The following ATCAY variants were observed in gnomAD, a reference collection of about 807,000 sequenced individuals.
ATCAY encodes ATCAY kinesin light chain interacting caytaxin.
Under a neutral mutation model 47.7 loss-of-function variants are expected in ATCAY, and 22 were observed. The ratio of observed to expected loss-of-function variants is 0.46; its 90% CI spans 0.33 to 0.66. ATCAY has a LOEUF of 0.66. ATCAY is among the 30% of genes least tolerant of loss of function. ATCAY has a pLI of 0.02. For synonymous variants in ATCAY, 216 were observed against 207.6 expected, an observed-to-expected ratio of 1.04 and a Z score of -0.35; for missense variants, 452 against 515.0, an observed-to-expected ratio of 0.88 and a Z score of 1.18.
chr19:3,885,332 T>A (rs2038639904), intron 1 of ATCAY, among the ~76,000 whole-genome samples: 1 of 151,346 alleles, frequency 6.6e-6, no homozygotes, highest in East Asian at 2.0e-4. Flanking sequence ...GGCAGGAGGA[T>A]CACCTGAGGT....
chr19:3,887,643 C>T (rs936509209), intron 2 of ATCAY, among the ~76,000 whole-genome samples: 30 of 150,690 alleles, frequency 2.0e-4, no homozygotes, highest in South Asian at 6.3e-4. Flanking sequence ...CCCGCCACCA[C>T]GCCCGGCTAA....
intron 2 of ATCAY, among the ~76,000 whole-genome samples, chr19:3,886,620 G>A (rs2038658979): frequency 6.6e-6 from 1 of 151,340 alleles, no homozygotes; most frequent in African/African-American, 2.4e-5. Flanking sequence ...GCTGGGTATG[G>A]TGTCATGCGC....
intron 2 of ATCAY, among the ~76,000 whole-genome samples, chr19:3,902,008 A>G (rs963100577): frequency 4.0e-5 from 6 of 151,032 alleles, no homozygotes; most frequent in African/African-American, 1.2e-4. Flanking sequence ...TCAAAAGAAA[A>G]AAATAAAAGA....
Position 3,907,479 on chromosome 19 carries a change from T to A in ATCAY, c.359-255T>A, listed in dbSNP as rs2038871487. On this transcript the variant is annotated intron_variant, in intron 4 of 12. Coordinates refer to ENST00000450849, the MANE Select transcript of ATCAY (RefSeq NM_033064.5). This position sits in a 1 kb window ranked among gnomAD's most constrained non-coding sequence, Gnocchi z 5.1. Reference sequence around the variant, plus strand: ...TGAGAAGCTCCAGGACACAGGTCCTTAACCAACAGAGTGCCCTGGGAGGCC... The same window carrying A: ...TGAGAAGCTCCAGGACACAGGTCCTAAACCAACAGAGTGCCCTGGGAGGCC... Among the ~76,000 whole-genome samples the A allele has an allele frequency of 6.6e-6, 1 of 152,126 alleles. No homozygotes were observed. The highest frequency in any genetic ancestry group is 1.5e-5 in the Non-Finnish European group (1 of 68,024).
intron 3 of ATCAY, among the ~76,000 whole-genome samples, chr19:3,903,982 CAAAA>C (rs59631453): frequency 2.9e-4 from 23 of 79,034 alleles, no homozygotes; most frequent in African/African-American, 8.0e-4. Context: ...ACTAAAGATA[CAAAA>C]AAAAAAAAAA....
intron 4 of ATCAY, 104 bp downstream of exon 4, chr19:3,905,759 G>A (rs1212260854): frequency 7.5e-6 from 8 of 1,063,084 alleles, no homozygotes; most frequent in Non-Finnish European, 1.1e-5. Flanking sequence ...GTGGGGCAGG[G>A]GCTCTAAGCA....
chr19:3,901,529 G>T (rs2038816305), intron 2 of ATCAY, among the ~76,000 whole-genome samples: 1 of 152,194 alleles, frequency 6.6e-6, no homozygotes, highest in Non-Finnish European at 1.5e-5. Flanking sequence ...GGTCGCCCTA[G>T]AGAGAATTCA....
At chr19:3,917,632 G>C (rs1006886836) in intron 9 of ATCAY, 110 bp from the exon 10 acceptor site, 62 of 327,098 alleles carry the variant, frequency 1.9e-4, no homozygotes, top group Non-Finnish European at 3.0e-4. Flanking sequence ...AAGAAGAAAA[G>C]AAAGAAAAAA....
rs2039081065 is a variant in ATCAY, at chr19:3,927,830, G to GCCAAACCACACC, written c.*3238_*3239insCCAAACCACACC. Reference sequence around the variant, plus strand: ...GGATTTGTATCAGGGTGGGGGGTGTGGTTTGGCCAAAATGCAATGGACCCC... The same window carrying GCCAAACCACACC: ...GGATTTGTATCAGGGTGGGGGGTGTGCCAAACCACACCGTTTGGCCAAAATGCAATGGACCCC... On this transcript the variant is annotated 3_prime_UTR_variant, in exon 13 of 13. Coordinates refer to ENST00000450849, the MANE Select transcript of ATCAY (RefSeq NM_033064.5). The GCCAAACCACACC allele has an allele frequency of 6.6e-6, 1 of 152,278 alleles. No homozygotes were observed. The highest frequency in any genetic ancestry group is 1.5e-5 in the Non-Finnish European group (1 of 68,116). The allele number at this position is 152,278 out of a possible 1,614,324, so 9.4% of individuals were successfully genotyped here.
intron 9 of ATCAY, 132 bp from the exon 10 acceptor site, chr19:3,917,610 A>AAAAAAAAG (rs368009492): frequency 1.6e-5 from 8 of 501,988 alleles, no homozygotes; most frequent in African/African-American, 1.2e-4. Flanking sequence ...AAAAAAAAAA[A>AAAAAAAAG]GGAAGAAGAA....
chr19:3,890,483 G>A (rs1475148117), intron 2 of ATCAY, among the ~76,000 whole-genome samples: 17 of 151,802 alleles, frequency 1.1e-4, no homozygotes, highest in African/African-American at 3.9e-4. Flanking sequence ...GGCTGGTCTC[G>A]AACTCCCAAC....
At chr19:3,884,837 T>C (rs998076463) in intron 1 of ATCAY, among the ~76,000 whole-genome samples, 3 of 152,012 alleles carry the variant, frequency 2.0e-5, no homozygotes, top group African/African-American at 7.2e-5. Context: ...TGGTTTACCC[T>C]TGTAATCTCA....
intron 1 of ATCAY, among the ~76,000 whole-genome samples, chr19:3,884,015 G>T (rs1277174950): frequency 2.0e-5 from 3 of 151,970 alleles, no homozygotes; most frequent in South Asian, 2.1e-4. Flanking sequence ...AAACTGGTGT[G>T]GGGGGTGGGG....
intron 2 of ATCAY, among the ~76,000 whole-genome samples, chr19:3,896,385 A>C (rs2145232330): frequency 6.6e-6 from 1 of 150,678 alleles, no homozygotes; most frequent in East Asian, 2.0e-4. Flanking sequence ...CTCTTGCCTC[A>C]GCCTCCCGAG....
chr19:3,924,506 A>C lies in ATCAY; in HGVS notation c.1107-77A>C, dbSNP rs868243631. 9.6e-6 allele frequency: 15 copies of C among 1,563,464 alleles called. No individual in the cohort carries two copies. In the South Asian group the frequency reaches 1.3e-4, roughly 14 times the overall value. On this transcript the variant is annotated intron_variant, in intron 12 of 12. Transcript: ENST00000450849. ...ACGCTGGGTGGGATCATTGTTTTGGATTACATACATGTAGAAGCGCATTTT... is the reference window on the plus strand; with the variant it reads ...ACGCTGGGTGGGATCATTGTTTTGGCTTACATACATGTAGAAGCGCATTTT...
rs376828032 is a variant in ATCAY, at chr19:3,891,052, C to CT, written c.77+5224dup. 3.7e-3 allele frequency among the ~76,000 whole-genome samples: 533 copies of CT among 142,326 alleles called. 1 individual carries two copies. Among genetic ancestry groups the CT allele is most frequent in the African/African-American group, 7.9e-3 (307 of 39,072 alleles). The allele number at this position is 142,326 out of a possible 152,430, so 93.4% of individuals were successfully genotyped here. A position where few individuals can be genotyped will look rare whatever the true frequency, so the allele number is the denominator to read the frequency against. On this transcript the variant is annotated intron_variant, in intron 2 of 12. Coordinates refer to ENST00000450849, the MANE Select transcript of ATCAY (RefSeq NM_033064.5). ...CTGCATGGCCTCTGCCCTTCTAGCACTTTTTTTTTTTTTTTTGGAGACAGA... is the reference window on the plus strand; with the variant it reads ...CTGCATGGCCTCTGCCCTTCTAGCACTTTTTTTTTTTTTTTTTGGAGACAGA...
intron 8 of ATCAY, 90 bp downstream of exon 8, chr19:3,910,979 AC>A: frequency 7.1e-7 from 1 of 1,407,246 alleles, no homozygotes; most frequent in Non-Finnish European, 1.0e-6. Context: ...GCATGTGTGC[AC>A]GTGTGTGCGT....
chr19:3,922,826 G>A (rs1291424519), intron 12 of ATCAY, among the ~76,000 whole-genome samples: 1 of 152,100 alleles, frequency 6.6e-6, no homozygotes, highest in Non-Finnish European at 1.5e-5. Flanking sequence ...CTCACTGCAA[G>A]CTCCGCCTCC....
intron 3 of ATCAY, among the ~76,000 whole-genome samples, chr19:3,904,654 A>G (rs7258781): frequency 0.16 from 23,915 of 151,744 alleles, 4,597 homozygotes; most frequent in African/African-American, 0.46. Context: ...ACACACACAC[A>G]CACACGTCCT....
Sources: allele counts gnomAD v4.1 joint callset (sites outside exome capture counted in the v4.1 genomes callset), GRCh38; gene constraint gnomAD v4.1.1; non-coding constraint Gnocchi (gnomAD v3.1); transcripts MANE v1.5; gene names NCBI Gene and HGNC (gene_info 2026-07-23, HGNC 2026-07-21).